GNG4: variants seen among roughly 807,000 people sequenced by gnomAD.
GNG4 encodes the protein guanine nucleotide-binding protein G(I)/G(S)/G(O) subunit gamma-4.
GNG4 carries 4 observed loss-of-function variants against 5.8 expected under a neutral mutation model. The ratio of observed to expected loss-of-function variants is 0.69; its 90% CI spans 0.34 to 1.57. The LOEUF (loss-of-function observed/expected upper bound fraction) is 1.57. Among genes scored for constraint, GNG4 ranks in the 40% most tolerant of loss-of-function variants. GNG4 has a pLI of 0.06. For missense variants in GNG4, 96 were observed against 95.1 expected, an observed-to-expected ratio of 1.01 and a Z score of -0.04; for synonymous variants, 29 against 32.9, an observed-to-expected ratio of 0.88 and a Z score of 0.41.
intron 1 of GNG4, among the ~76,000 whole-genome samples, chr1:235,619,896 A>G (rs1688670664): frequency 6.6e-6 from 1 of 152,218 alleles, no homozygotes; most frequent in Non-Finnish European, 1.5e-5. Context: ...TTTGGAGAAG[A>G]AAGTACTAAG....
intron 3 of GNG4, among the ~76,000 whole-genome samples, chr1:235,572,348 C>T (rs1039126863): frequency 1.1e-4 from 16 of 151,980 alleles, no homozygotes; most frequent in African/African-American, 1.7e-4. Context: ...TACAGGCGCT[C>T]GCTACCACGC....
Position 235,552,038 on chromosome 1 carries a change from C to CT in GNG4, c.*70dup. On this transcript the variant is annotated 3_prime_UTR_variant, in exon 4 of 4. Transcript: ENST00000391854. ...TGGGTGTTGGTCTCACTCCCTAAGG[C>CT]TTAGAGCATGCATGGTCTCTACAGG... 7.0e-7 allele frequency: 1 copy of CT among 1,433,568 alleles called. No homozygotes were observed. The highest frequency in any genetic ancestry group is 9.8e-7 in the Non-Finnish European group (1 of 1,019,792). 88.8% of individuals were successfully genotyped at this position (1,433,568 alleles called of 1,614,324 possible).
intron 1 of GNG4, among the ~76,000 whole-genome samples, chr1:235,639,151 C>T (rs1378196980): frequency 2.0e-5 from 3 of 152,194 alleles, no homozygotes; most frequent in African/African-American, 7.2e-5. Flanking sequence ...CCAGGATCAC[C>T]TCCCCATCTC....
intron 1 of GNG4, among the ~76,000 whole-genome samples, chr1:235,612,815 G>A (rs1449717348): frequency 6.6e-6 from 1 of 152,158 alleles, no homozygotes; most frequent in Non-Finnish European, 1.5e-5. Flanking sequence ...GAGCCATCAT[G>A]CCCGTCCTGG....
intron 3 of GNG4, chr1:235,566,025 C>T (rs1199440798): frequency 6.6e-6 from 1 of 152,216 alleles, no homozygotes; most frequent in Non-Finnish European, 1.5e-5. Context: ...CTCTATCACA[C>T]TGATAAAGAA....
At chr1:235,587,361 GT>G (rs1687802109) in intron 2 of GNG4, among the ~76,000 whole-genome samples, 2 of 71,584 alleles carry the variant, frequency 2.8e-5, no homozygotes, top group African/African-American at 7.5e-5. Context: ...CAGGGGTGGG[GT>G]GTGTGTGAGT....
Position 235,552,192 on chromosome 1 carries a change from C to G in GNG4, c.145G>C (p.Val49Leu), listed in dbSNP as rs769944125. Reference sequence around the variant, plus strand: ...GGAATGATGAGAGGATCTTCCCGCACGTGAGCTTCACAGTAGGCCAGGAGG... The same window carrying G: ...GGAATGATGAGAGGATCTTCCCGCAGGTGAGCTTCACAGTAGGCCAGGAGG... ...ADLLAYCEAH[V>L]REDPLIIPVP... The change falls in exon 4 of 4, where the codon GTG (valine) becomes CTG (leucine). Residue 49 changes from valine to leucine, a missense_variant. By Grantham distance (32) the Val-to-Leu change is conservative (BLOSUM62 1). Transcript: ENST00000391854. The G allele has an allele frequency of 6.2e-7, 1 of 1,613,934 alleles. No individual in the cohort carries two copies.
Position 235,550,164 on chromosome 1 carries a change from G to C in GNG4, c.*1945C>G, listed in dbSNP as rs1558468042. On this transcript the variant is annotated 3_prime_UTR_variant, in exon 4 of 4. Coordinates refer to ENST00000391854, the MANE Select transcript of GNG4 (RefSeq NM_001098722.2). ...TTGGTTTAGGTAGGACCTTCAGGTT[G>C]ATCTTAGACAATCCAAGAGCTAATT... 1 of 152,206 alleles carries C rather than the reference G, an allele frequency of 6.6e-6. No homozygotes were observed. Among genetic ancestry groups the C allele is most frequent in the Non-Finnish European group, 1.5e-5 (1 of 68,042 alleles). 9.4% of individuals were successfully genotyped at this position (152,206 alleles called of 1,614,324 possible). A position where few individuals can be genotyped will look rare whatever the true frequency, so the allele number is the denominator to read the frequency against.
At chr1:235,613,078 G>A (rs924473925) in intron 1 of GNG4, among the ~76,000 whole-genome samples, 1 of 151,924 alleles carries the variant, frequency 6.6e-6, no homozygotes, top group African/African-American at 2.4e-5. Flanking sequence ...CTACTGCACT[G>A]GGGATTAGAT....
chr1:235,586,465 T>C (rs989446218), intron 2 of GNG4, among the ~76,000 whole-genome samples: 1 of 152,102 alleles, frequency 6.6e-6, no homozygotes, highest in Non-Finnish European at 1.5e-5. Context: ...TCCCAACCCT[T>C]CCCAGCTGAT....
intron 1 of GNG4, chr1:235,615,240 G>A (rs560281055): frequency 1.3e-5 from 2 of 152,392 alleles, no homozygotes; most frequent in South Asian, 4.1e-4. Context: ...AAGAGTCAGT[G>A]TCAGAGTCAG....
At chr1:235,625,805 G>T (rs951863539) in intron 1 of GNG4, among the ~76,000 whole-genome samples, 1 of 152,070 alleles carries the variant, frequency 6.6e-6, no homozygotes, top group Admixed American at 6.6e-5. Flanking sequence ...CCATTTTCTG[G>T]ATGTTTCACA....
intron 2 of GNG4, among the ~76,000 whole-genome samples, chr1:235,594,469 G>A (rs946078495): frequency 3.9e-5 from 6 of 152,212 alleles, no homozygotes; most frequent in African/African-American, 1.4e-4. Context: ...GGGACTGGGT[G>A]CCATGGAGCA....
At chr1:235,623,980 G>A (rs556342793) in intron 1 of GNG4, among the ~76,000 whole-genome samples, 5 of 152,306 alleles carry the variant, frequency 3.3e-5, no homozygotes, top group South Asian at 2.1e-4. Context: ...GCTGTGAGCC[G>A]AAGACGGAGG....
intron 3 of GNG4, among the ~76,000 whole-genome samples, chr1:235,570,689 G>A (rs546008723): frequency 9.4e-5 from 14 of 149,062 alleles, no homozygotes; most frequent in Non-Finnish European, 1.6e-4. Context: ...CATGAGCACC[G>A]CACCCAGTCT....
intron 1 of GNG4, among the ~76,000 whole-genome samples, chr1:235,623,015 G>A (rs1314864451): frequency 6.6e-6 from 1 of 151,926 alleles, no homozygotes; most frequent in African/African-American, 2.4e-5. Flanking sequence ...ACTCCACCCT[G>A]GGCAACAGAG....
chr1:235,595,258 T>A (rs1291811324), intron 2 of GNG4, 142 bp downstream of exon 2: 1 of 152,408 alleles, frequency 6.6e-6, no homozygotes, highest in Admixed American at 6.6e-5. Flanking sequence ...CAGTGATGAT[T>A]GCTAGAAGAA....
At chr1:235,646,208 G>T (rs1340368818) in intron 1 of GNG4, among the ~76,000 whole-genome samples, 1 of 152,218 alleles carries the variant, frequency 6.6e-6, no homozygotes, top group East Asian at 1.9e-4. Context: ...AGAAGCAAGA[G>T]AAACAAATCC....
At chr1:235,646,351 G>T (rs370424523) in intron 1 of GNG4, among the ~76,000 whole-genome samples, 10 of 152,232 alleles carry the variant, frequency 6.6e-5, no homozygotes, top group Admixed American at 2.0e-4. Context: ...GTTAAAAAAG[G>T]TTCCCACCAC....
Sources: allele counts gnomAD v4.1 joint callset (sites outside exome capture counted in the v4.1 genomes callset), GRCh38; gene constraint gnomAD v4.1.1; transcripts MANE v1.5; gene names NCBI Gene and HGNC (gene_info 2026-07-23, HGNC 2026-07-21).